Variants in DENND6A observed in about 807,000 individuals in gnomAD.
The protein encoded by DENND6A is DENN domain containing 6A.
DENND6A carries 43 observed loss-of-function variants against 95.5 expected under a neutral mutation model. That is an observed-to-expected ratio of 0.45 (90% CI 0.35 to 0.58). The LOEUF (loss-of-function observed/expected upper bound fraction) is 0.58, where lower values mean the gene tolerates loss of function less well. DENND6A is among the 20% of genes least tolerant of loss of function. DENND6A has a pLI of 0.00. For missense variants in DENND6A, 574 were observed against 736.0 expected, an observed-to-expected ratio of 0.78 and a Z score of 2.55; for synonymous variants, 257 against 260.4, an observed-to-expected ratio of 0.99 and a Z score of 0.13.
chr3:57,670,819 T>C (rs1346436575), intron 3 of DENND6A, among the ~76,000 whole-genome samples: 5 of 152,174 alleles, frequency 3.3e-5, no homozygotes, highest in Non-Finnish European at 7.4e-5. Context: ...TTCACTGGGA[T>C]TCCATGCAGA....
At chr3:57,673,036 GAAACCCCATCTCTACTAAAATACAAAAAT>G in intron 1 of DENND6A, among the ~76,000 whole-genome samples, 1 of 151,390 alleles carries the variant, frequency 6.6e-6, no homozygotes, top group South Asian at 2.1e-4. Flanking sequence ...TCAACATGAT[GAAACCCCATCTCTACTAAAATACAAAAAT>G]TAGCTGGGTG....
chr3:57,648,422 T>C (rs953152670), intron 9 of DENND6A, among the ~76,000 whole-genome samples: 2 of 152,180 alleles, frequency 1.3e-5, no homozygotes, highest in Non-Finnish European at 2.9e-5. Flanking sequence ...ATGACCATAC[T>C]GCCAAAAGCA....
At chr3:57,680,181 C>G (rs375314400) in intron 1 of DENND6A, among the ~76,000 whole-genome samples, 2 of 152,172 alleles carry the variant, frequency 1.3e-5, no homozygotes, top group East Asian at 1.9e-4. Context: ...AGAGCTAAAT[C>G]TATATAACTC....
intron 11 of DENND6A, among the ~76,000 whole-genome samples, chr3:57,643,224 A>G (rs1290826201): frequency 1.3e-5 from 2 of 152,196 alleles, no homozygotes; most frequent in Non-Finnish European, 2.9e-5. Context: ...GGCATGTTAC[A>G]AAGGAGAAAT....
chr3:57,674,056 C>T (rs752104152), intron 1 of DENND6A, among the ~76,000 whole-genome samples: 3 of 152,010 alleles, frequency 2.0e-5, no homozygotes, highest in Non-Finnish European at 4.4e-5. Flanking sequence ...AGGCGTGAGC[C>T]ACCGTGCCCA....
intron 14 of DENND6A, 100 bp downstream of exon 14, chr3:57,634,458 A>C (rs2070750885): frequency 1.8e-6 from 1 of 557,596 alleles, no homozygotes; most frequent in Non-Finnish European, 2.7e-6. Flanking sequence ...AAAAGGAGAG[A>C]TCCTATTTCA....
At chr3:57,663,539 A>G (rs1575848302) in intron 5 of DENND6A, 97 bp downstream of exon 5, 1 of 698,104 alleles carries the variant, frequency 1.4e-6, no homozygotes, top group East Asian at 3.1e-5. Flanking sequence ...TTAAAGATAA[A>G]ATACCAAAGA....
rs534975811 is a variant in DENND6A, at chr3:57,644,269, C to T, written c.1037+1392G>A. Among the ~76,000 whole-genome samples, 3 of 152,044 alleles carry T rather than the reference C, an allele frequency of 2.0e-5. No individual in the cohort carries two copies. The East Asian group carries it at 5.8e-4, about 29-fold the overall frequency. On this transcript the variant is annotated intron_variant, in intron 11 of 19. Transcript: ENST00000311128. ...GTCTGCAAAGAAGATTGGGATGCAC[C>T]ACAAGACAGCCCAGGAGAGAACAGT...
intron 8 of DENND6A, among the ~76,000 whole-genome samples, 186 bp downstream of exon 8, chr3:57,658,932 C>T (rs982175733): frequency 6.6e-6 from 1 of 151,622 alleles, no homozygotes; most frequent in Non-Finnish European, 1.5e-5. Context: ...GGAGAAATAA[C>T]AAGAAAAAAG....
intron 11 of DENND6A, among the ~76,000 whole-genome samples, chr3:57,644,355 G>A: frequency 6.6e-6 from 1 of 151,864 alleles, no homozygotes; most frequent in Non-Finnish European, 1.5e-5. Context: ...CCCAGGGCTG[G>A]AGTCCAGTGG....
chr3:57,690,603 G>C (rs144514101), intron 1 of DENND6A, among the ~76,000 whole-genome samples: 3,875 of 151,578 alleles, frequency 0.026, 164 homozygotes, highest in African/African-American at 0.089. Flanking sequence ...AGAATCACTT[G>C]AACCTGGGAG....
chr3:57,685,417 T>G (rs1011026999), intron 1 of DENND6A, among the ~76,000 whole-genome samples: 2 of 152,210 alleles, frequency 1.3e-5, no homozygotes, highest in African/African-American at 4.8e-5. Context: ...CAGAAGTGTT[T>G]TGGATCTCAG....
At chr3:57,672,495 A>G in intron 1 of DENND6A, 57 bp from the exon 2 acceptor site, 2 of 1,547,244 alleles carry the variant, frequency 1.3e-6, no homozygotes, top group Non-Finnish European at 1.8e-6. Context: ...TTATAAACAT[A>G]TTATAGGCCA....
intron 5 of DENND6A, 142 bp downstream of exon 5, chr3:57,663,494 A>G (rs71311818): frequency 5.7e-4 from 119 of 207,026 alleles, no homozygotes; most frequent in African/African-American, 2.9e-3. Flanking sequence ...AAAAATATAT[A>G]TATACACACA....
intron 11 of DENND6A, among the ~76,000 whole-genome samples, chr3:57,643,000 T>A (rs2070982915): frequency 8.9e-6 from 1 of 112,136 alleles, no homozygotes; most frequent in Admixed American, 1.0e-4. Flanking sequence ...GAGCGAGACT[T>A]CATCTCAAAA....
chr3:57,648,026 G>C (rs985773504), intron 9 of DENND6A, among the ~76,000 whole-genome samples: 3 of 152,074 alleles, frequency 2.0e-5, no homozygotes, highest in Non-Finnish European at 2.9e-5. Context: ...AATCAGAGAA[G>C]AGAAAGAAAT....
intron 9 of DENND6A, among the ~76,000 whole-genome samples, chr3:57,649,072 A>G (rs2071138547): frequency 6.6e-6 from 1 of 152,200 alleles, no homozygotes; most frequent in African/African-American, 2.4e-5. Flanking sequence ...TAAACAGACA[A>G]CTCACAGAAT....
At chr3:57,677,151 C>T (rs2071724268) in intron 1 of DENND6A, among the ~76,000 whole-genome samples, 1 of 152,086 alleles carries the variant, frequency 6.6e-6, no homozygotes, top group Non-Finnish European at 1.5e-5. Context: ...AAATCGTCAA[C>T]TTTCCCAACA....
Position 57,677,419 on chromosome 3 carries a change from CTTTTTTTTTTTT to C in DENND6A, c.238-4993_238-4982del, listed in dbSNP as rs71088101. ...GCCAGTTTGGGCTAACTTTGTTGTC[CTTTTTTTTTTTT>C]TTTTTTTTTTTTTGAGACAGAGTCT... is the stretch of plus-strand genomic sequence containing the variant. On this transcript the variant is annotated intron_variant, in intron 1 of 19. Coordinates refer to ENST00000311128, the MANE Select transcript of DENND6A (RefSeq NM_152678.3). 5.8e-5 allele frequency among the ~76,000 whole-genome samples: 4 copies of C among 68,746 alleles called. No homozygotes were observed. The East Asian group carries it at 1.9e-3, about 32-fold the overall frequency. The allele number at this position is 68,746 out of a possible 152,430, so 45.1% of individuals were successfully genotyped here. A position where few individuals can be genotyped will look rare whatever the true frequency, so the allele number is the denominator to read the frequency against.
Sources: allele counts gnomAD v4.1 joint callset (sites outside exome capture counted in the v4.1 genomes callset), GRCh38; gene constraint gnomAD v4.1.1; transcripts MANE v1.5; gene names NCBI Gene and HGNC (gene_info 2026-07-23, HGNC 2026-07-21).